The following MADD variants were observed in gnomAD, a reference collection of about 807,000 sequenced individuals.
MADD encodes MAP kinase-activating death domain protein.
A neutral mutation model predicts 176.7 loss-of-function variants in MADD; 109 were observed. The observed-to-expected ratio is 0.62, with a 90% CI of 0.53 to 0.72. The LOEUF is 0.72. Among genes scored for constraint, MADD ranks in the 30% least tolerant of loss-of-function variants. MADD has a pLI of 0.00. For missense variants in MADD, 1,914 were observed against 2,045.5 expected (o/e 0.94, Z 1.24); for synonymous variants, 771 against 771.3 (o/e 1.00, Z 0.01).
chr11:47,316,058 A>C (rs2092774585), intron 27 of MADD, among the ~76,000 whole-genome samples: 1 of 150,436 alleles, frequency 6.6e-6, no homozygotes, highest in African/African-American at 2.4e-5. Context: ...CTGGTCTTGA[A>C]CTCCTGACCT....
At chr11:47,297,264 G>T (rs1224790471) in intron 22 of MADD, among the ~76,000 whole-genome samples, 1 of 152,102 alleles carries the variant, frequency 6.6e-6, no homozygotes, top group East Asian at 1.9e-4. Context: ...CCCACCCCCA[G>T]AGCCTTCTGT....
chr11:47,289,551 A>G (rs2063472415), intron 16 of MADD, 58 bp downstream of exon 17: 4 of 1,432,418 alleles, frequency 2.8e-6, no homozygotes, highest in Admixed American at 3.4e-5. Flanking sequence ...TGGTTCCTCT[A>G]CAGAACTTTA....
chr11:47,275,955 C>T, exon 4 of MADD: 1 of 1,614,008 alleles, frequency 6.2e-7, no homozygotes, highest in Non-Finnish European at 8.5e-7. Flanking sequence ...AAGTCAAGTG[C>T]CCTTCTGCAT....
Position 47,329,030 on chromosome 11 carries a change from G to GT in MADD, c.4660-12dup. Reference sequence around the variant, plus strand: ...GAGTCTCAGTATCGTGATCCGCCTGGTTTTCTCTCCTCTAGGCCCACGAAA... The same window carrying GT: ...GAGTCTCAGTATCGTGATCCGCCTGGTTTTTCTCTCCTCTAGGCCCACGAAA... On this transcript the variant is annotated splice_polypyrimidine_tract_variant and intron_variant, in intron 32 of 32. Coordinates refer to ENST00000402192, the Ensembl canonical transcript of MADD. 6.2e-7 allele frequency: 1 copy of GT among 1,600,014 alleles called. No homozygotes were observed. The highest frequency in any genetic ancestry group is 8.6e-7 in the Non-Finnish European group (1 of 1,167,118).
chr11:47,308,559 C>T, intron 22 of MADD, 32 bp from the exon 25 acceptor site: 1 of 1,552,074 alleles, frequency 6.4e-7, no homozygotes, highest in Non-Finnish European at 8.9e-7. Context: ...ATTGCTACCT[C>T]TGGCCACTGA....
chr11:47,295,475 T>C (rs1308134197), intron 20 of MADD, 21 bp from the exon 23 acceptor site: 3 of 1,598,602 alleles, frequency 1.9e-6, no homozygotes, highest in Non-Finnish European at 1.7e-6. Flanking sequence ...CCTCCCCTAA[T>C]GTTCCTGTGT....
At chr11:47,288,894 CT>C in intron 15 of MADD, 73 bp from the exon 16 acceptor site, 1 of 1,066,874 alleles carries the variant, frequency 9.4e-7, no homozygotes, top group Non-Finnish European at 1.4e-6. Flanking sequence ...GATTATCTGG[CT>C]TACTGCTCCT....
chr11:47,313,557 T>C (rs2091256730), intron 26 of MADD, among the ~76,000 whole-genome samples: 1 of 151,374 alleles, frequency 6.6e-6, no homozygotes, highest in African/African-American at 2.4e-5. Flanking sequence ...AACTCCTGAG[T>C]TTAGTCAATC....
In MADD at chr11:47,324,383, C is replaced by G. The variant is rs1272930077; in HGVS notation, c.4435+46C>G. 3.1e-6 allele frequency: 5 copies of G among 1,608,200 alleles called. No individual in the cohort carries two copies. The Admixed American group carries it at 8.3e-5, about 27-fold the overall frequency. On this transcript the variant is annotated intron_variant, in intron 29 of 32. Transcript: ENST00000402192. The stretch of plus-strand genomic sequence containing the variant: ...GAGTGTCTTCCCTGTTTCTACCAGT[C>G]CTTCTGAGTGTCAGGGGCCTGGCAG...
At chr11:47,283,180 G>A (rs2058234693) in intron 10 of MADD, among the ~76,000 whole-genome samples, 1 of 152,142 alleles carries the variant, frequency 6.6e-6, no homozygotes, top group Admixed American at 6.5e-5. Context: ...TGCCAGCTCC[G>A]CCTCCCGGCT....
intron 22 of MADD, among the ~76,000 whole-genome samples, chr11:47,307,676 TTCTGTCACCCAAGTTGGAGTCTCAC>T (rs898314960): frequency 3.3e-5 from 5 of 151,888 alleles, no homozygotes; most frequent in South Asian, 2.1e-4. Flanking sequence ...TGGAGTCTCA[TTCTGTCACCCAAGTTGGAGTCTCAC>T]TCTGTCACCC....
chr11:47,326,635 T>TA, intron 30 of MADD, 83 bp downstream of exon 34: 1 of 1,529,476 alleles, frequency 6.5e-7, no homozygotes, highest in Admixed American at 2.2e-5. Flanking sequence ...CTTTGGGAAA[T>TA]AGACTTTCTT....
At chr11:47,294,348 CAA>C (rs796517395) in intron 20 of MADD, among the ~76,000 whole-genome samples, 32 of 143,962 alleles carry the variant, frequency 2.2e-4, no homozygotes, top group East Asian at 4.2e-4. Context: ...AACTCCATCT[CAA>C]AAAAAAAAAA....
intron 22 of MADD, among the ~76,000 whole-genome samples, chr11:47,304,489 C>G (rs2080936337): frequency 6.6e-6 from 1 of 152,188 alleles, no homozygotes; most frequent in African/African-American, 2.4e-5. Flanking sequence ...CCTCACCTCC[C>G]AAAGTGTTGG....
chr11:47,283,041 G>C, intron 10 of MADD, 72 bp downstream of exon 10: 10 of 1,458,812 alleles, frequency 6.9e-6, no homozygotes, highest in Non-Finnish European at 9.4e-6. Flanking sequence ...TTAGCACAGA[G>C]AAGGCAAAGT....
chr11:47,326,883 TA>T (rs2095506462), intron 31 of MADD, 76 bp downstream of exon 35: 2 of 1,590,946 alleles, frequency 1.3e-6, no homozygotes, highest in Non-Finnish European at 1.7e-6. Context: ...GAGGAGGGTC[TA>T]GGGGCAGGGA....
intron 27 of MADD, among the ~76,000 whole-genome samples, chr11:47,321,016 G>T (rs2094380760): frequency 6.6e-6 from 1 of 152,116 alleles, no homozygotes; most frequent in South Asian, 2.1e-4. Flanking sequence ...TATAGTCCTA[G>T]ACATGAAAAT....
In MADD at chr11:47,328,845, G is replaced by A. The variant is rs2095760370; in HGVS notation, c.4659+141G>A. On this transcript the variant is annotated intron_variant, in intron 32 of 32. Transcript: ENST00000402192. ...TGTTGCCAAAGGTTCAACTCAGGCT[G>A]AAACAGGTCTTGAGCCCTGAGAGAC... 6 of 1,147,956 alleles carry A rather than the reference G, an allele frequency of 5.2e-6. No homozygotes were observed. In the Admixed American group the frequency reaches 8.2e-5, roughly 16 times the overall value. The allele number at this position is 1,147,956 out of a possible 1,614,324, so 71.1% of individuals were successfully genotyped here. A position where few individuals can be genotyped will look rare whatever the true frequency, so the allele number is the denominator to read the frequency against.
chr11:47,273,983 A>C lies in MADD; in HGVS notation c.62+7A>C. Reference sequence around the variant, plus strand: ...TAGTGATCGTAGGGGCCAGGTAACCAAGAAGAGATTGACTTTTGTCTTAAT... The same window carrying C: ...TAGTGATCGTAGGGGCCAGGTAACCCAGAAGAGATTGACTTTTGTCTTAAT... On this transcript the variant is annotated splice_region_variant and intron_variant, in intron 2 of 32. Transcript: ENST00000402192. 2 of 1,613,676 alleles carry C rather than the reference A, an allele frequency of 1.2e-6. No individual in the cohort carries two copies. Among genetic ancestry groups the C allele is most frequent in the Non-Finnish European group, 1.7e-6 (2 of 1,179,668 alleles).
Sources: allele counts gnomAD v4.1 joint callset (sites outside exome capture counted in the v4.1 genomes callset), GRCh38; gene constraint gnomAD v4.1.1; transcripts MANE v1.5; gene names NCBI Gene and HGNC (gene_info 2026-07-23, HGNC 2026-07-21).